FLG2: variants seen among roughly 807,000 people sequenced by gnomAD.
The protein encoded by FLG2 is filaggrin-2.
Under a neutral mutation model 3.9 loss-of-function variants are expected in FLG2, and 7 were observed. That is an observed-to-expected ratio of 1.79 (90% CI 1.02 to 3.36). The LOEUF (loss-of-function observed/expected upper bound fraction) is 3.36. Ranked by LOEUF, FLG2 falls within the 30% of genes most tolerant of loss-of-function variation. The pLI, the probability that FLG2 is intolerant of heterozygous loss-of-function variation, is 0.00. For synonymous variants in FLG2, 1,031 were observed against 1,056.1 expected (o/e 0.98, Z 0.46); for missense variants, 2,700 against 2,809.4 (o/e 0.96, Z 0.88).
At chr1:152,358,501 A>T (rs549155941) in intron 2 of FLG2, among the ~76,000 whole-genome samples, 1 of 152,274 alleles carries the variant, frequency 6.6e-6, no homozygotes, top group East Asian at 1.9e-4. Context: ...TCTAAGGAAA[A>T]GCCTGGGTGT....
chr1:152,357,750 G>A, intron 2 of FLG2, 103 bp from the exon 3 acceptor site: 2 of 804,184 alleles, frequency 2.5e-6, no homozygotes, highest in South Asian at 1.8e-5. Flanking sequence ...TTGACATGAT[G>A]TAGTTTTAGT....
At chr1:152,359,643 G>A (rs1654374553) in intron 1 of FLG2, among the ~76,000 whole-genome samples, 1 of 152,130 alleles carries the variant, frequency 6.6e-6, no homozygotes, top group Non-Finnish European at 1.5e-5. Context: ...CTGCCTCCCA[G>A]TTTGAGCTGG....
rs1654230538 is a variant in FLG2 at position 152,356,333 on chromosome 1, C to T, written c.1453G>A (p.Gly485Ser). Residue 485 changes from glycine (G) to serine (S), a missense_variant, in exon 3 of 3, where the codon GGC (glycine) becomes AGC (serine). By Grantham distance (56) the Gly-to-Ser change is moderately conservative (BLOSUM62 0). Transcript: ENST00000388718. ...KTSGFGQHGSGSGQSSGFGQC... is the reference protein window; with the variant it reads ...KTSGFGQHGSSSGQSSGFGQC... ...CCAAAGCCAGAGGACTGACCTGAGC[C>T]AGACCCATGTTGTCCAAAGCCAGAT... The T allele has an allele frequency of 6.2e-7, 1 of 1,614,024 alleles. No homozygotes were observed. Among genetic ancestry groups the T allele is most frequent in the Non-Finnish European group, 8.5e-7 (1 of 1,180,034 alleles).
At position 152,351,454 on chromosome 1, in the gene FLG2, C is replaced by G. The variant is rs1014807571; in HGVS notation, c.6332G>C (p.Ser2111Thr). ...RGSGHSESSD[S>T]EVHSGVSHTH... is the part of the protein sequence containing the mutation. ...GTGTGAGACCCCTGAGTGCACTTCA[C>G]TGTCACTGGACTCACTGTGGCCAGA... The change falls in exon 3 of 3, where the codon AGT becomes ACT. Residue 2111 changes from serine (S) to threonine (T), a missense_variant. Physicochemically the swap from Ser to Thr is moderately conservative, Grantham distance 58. Transcript: ENST00000388718. 1 of 1,613,136 alleles carries G rather than the reference C, an allele frequency of 6.2e-7. No homozygotes were observed. Among genetic ancestry groups the G allele is most frequent in the African/African-American group, 1.3e-5 (1 of 74,648 alleles).
At position 152,356,590 on chromosome 1, in the gene FLG2, C is replaced by T; in HGVS notation, c.1196G>A (p.Gly399Asp). The T allele has an allele frequency of 6.2e-7, 1 of 1,614,168 alleles. No homozygotes were observed. The highest frequency in any genetic ancestry group is 8.5e-7 in the Non-Finnish European group (1 of 1,180,040). ...AGAGTTTGAAAAGCGGCCACAGGAA[C>T]CATATTCATGTTGACCATTACTACA... ...QSCSNGQHEY[G>D]SCGRFSNSSS... The change falls in exon 3 of 3, where the codon GGT becomes GAT. Residue 399 changes from glycine (G) to aspartate (D), a missense_variant. Physicochemically the swap from Gly to Asp is moderately conservative, Grantham distance 94 (BLOSUM62 -1). Transcript: ENST00000388718.
At chr1:152,358,478 A>G (rs529115039) in intron 2 of FLG2, among the ~76,000 whole-genome samples, 1 of 152,094 alleles carries the variant, frequency 6.6e-6, no homozygotes, top group South Asian at 2.1e-4. Flanking sequence ...GTATAATTTT[A>G]TTTTCTGCTT....
At chr1:152,359,718 T>C (rs1004306738) in intron 1 of FLG2, among the ~76,000 whole-genome samples, 1 of 151,986 alleles carries the variant, frequency 6.6e-6, no homozygotes, top group Non-Finnish European at 1.5e-5. Context: ...TAGAGGAAGG[T>C]GAACTTTTAC....
In FLG2 at chr1:152,355,169, G is replaced by A. The variant is rs1232071984; in HGVS notation, c.2617C>T (p.Gln873Ter). ...TATTGACCTGAGCTTGACCTGTGTT[G>A]TCCAAAGCCAGATGTCTGTCCCGAA... ...SSSGQTSGFGQHRSSSGQYSG... is the reference protein window; with the variant it reads ...SSSGQTSGFG Residue 873 changes from glutamine (Q) to a stop codon, truncating the protein, a stop_gained, in exon 3 of 3, where the codon CAA becomes TAA. Coordinates refer to ENST00000388718, the MANE Select transcript of FLG2 (RefSeq NM_001014342.3). LOFTEE classifies it low-confidence loss of function (END_TRUNC). The A allele has an allele frequency of 6.4e-7, 1 of 1,563,060 alleles. No individual in the cohort carries two copies. Among genetic ancestry groups the A allele is most frequent in the Non-Finnish European group, 8.6e-7 (1 of 1,156,176 alleles).
rs763147409 is a variant in FLG2, at chr1:152,354,160, C to T, written c.3626G>A (p.Gly1209Asp). 1.9e-6 allele frequency: 3 copies of T among 1,614,232 alleles called. No individual in the cohort carries two copies. The highest frequency in any genetic ancestry group is 1.7e-5 in the Admixed American group (1 of 60,036). ...SGQSTGFGQY[G>D]SGSGQSTGLG... ...GCCAGTTGATTGACCTGAGCCTGAA[C>T]CATATTGGCCAAATCCAGTGGACTG... Residue 1209 changes from glycine (G) to aspartate (D), a missense_variant, in exon 3 of 3, where the codon GGT (glycine) becomes GAT (aspartate). Gly to Asp is a moderately conservative substitution (Grantham distance 94). Coordinates refer to ENST00000388718, the MANE Select transcript of FLG2 (RefSeq NM_001014342.3).
In FLG2 at chr1:152,352,675, C is replaced by G; in HGVS notation, c.5111G>C (p.Arg1704Thr). 6.2e-7 allele frequency: 1 copy of G among 1,613,668 alleles called. No homozygotes were observed. Among genetic ancestry groups the G allele is most frequent in the African/African-American group, 1.3e-5 (1 of 74,842 alleles). ...TTHGQTGDTT[R>T]HAHYHHGLTT... ...TAATCCATGATGATAGTGGGCATGT[C>G]TAGTGGTATCTCCTGTCTGTCCATG... The change falls in exon 3 of 3, where the codon AGA (arginine) becomes ACA (threonine). Residue 1704 changes from arginine to threonine, a missense_variant. By Grantham distance (71) the Arg-to-Thr change is moderately conservative. Transcript: ENST00000388718.
chr1:152,355,932 A>G lies in FLG2; in HGVS notation c.1854T>C (p.Tyr618=). 1 of 1,607,540 alleles carries G rather than the reference A, an allele frequency of 6.2e-7. No homozygotes were observed. The highest frequency in any genetic ancestry group is 8.5e-7 in the Non-Finnish European group (1 of 1,177,414). Reference sequence around the variant, plus strand: ...GACTTGAGCCAGAACTGTGTTGGCCATAACTAGACTGACCTGATCTAGACT... The same window carrying G: ...GACTTGAGCCAGAACTGTGTTGGCCGTAACTAGACTGACCTGATCTAGACT... ...QHESRSGQSS[Y]GQHSSGSSQS... is the part of the protein sequence containing the mutation. The change falls in exon 3 of 3, where the codon TAT becomes TAC. Residue 618 remains tyrosine, a synonymous_variant. Coordinates refer to ENST00000388718, the MANE Select transcript of FLG2 (RefSeq NM_001014342.3).
chr1:152,350,473 A>T lies in FLG2; in HGVS notation c.*137T>A. 1 of 1,150,882 alleles carries T rather than the reference A, an allele frequency of 8.7e-7. No individual in the cohort carries two copies. Among genetic ancestry groups the T allele is most frequent in the Non-Finnish European group, 1.2e-6 (1 of 834,412 alleles). 71.3% of individuals were successfully genotyped at this position (1,150,882 alleles called of 1,614,324 possible). On this transcript the variant is annotated 3_prime_UTR_variant, in exon 3 of 3. Coordinates refer to ENST00000388718, the MANE Select transcript of FLG2 (RefSeq NM_001014342.3). Reference sequence around the variant, plus strand: ...TCCATGACTAGATTCCTGACTTCTTATAATAATAGGTCGAGACTGATACTG... The same window carrying T: ...TCCATGACTAGATTCCTGACTTCTTTTAATAATAGGTCGAGACTGATACTG...
chr1:152,353,070 C>T lies in FLG2; in HGVS notation c.4716G>A (p.Gln1572=), dbSNP rs139512884. The change falls in exon 3 of 3, where the codon CAG becomes CAA. Residue 1572 remains glutamine, a synonymous_variant. Coordinates refer to ENST00000388718, the MANE Select transcript of FLG2 (RefSeq NM_001014342.3). ...TQTGSRTTGR[Q]RTSHSESTDS... Reference sequence around the variant, plus strand: ...CAGTGGACTCACTGTGGCTAGTTCTCTGTCTTCCAGTTGTCCTGGACCCTG... The same window carrying T: ...CAGTGGACTCACTGTGGCTAGTTCTTTGTCTTCCAGTTGTCCTGGACCCTG... 3 of 1,613,232 alleles carry T rather than the reference C, an allele frequency of 1.9e-6. No individual in the cohort carries two copies. Among genetic ancestry groups the T allele is most frequent in the African/African-American group, 2.7e-5 (2 of 74,648 alleles).
chr1:152,352,341 G>C lies in FLG2; in HGVS notation c.5445C>G (p.Phe1815Leu), dbSNP rs763346450. Residue 1815 changes from phenylalanine (F) to leucine (L), a missense_variant, in exon 3 of 3, where the codon TTC (phenylalanine) becomes TTG (leucine). Phe to Leu is a conservative substitution (Grantham distance 22). Coordinates refer to ENST00000388718, the MANE Select transcript of FLG2 (RefSeq NM_001014342.3). ...EYSDSEGHSG[F>L]SQRPHSRGHT... is the part of the protein sequence containing the mutation. ...GTCCTCGTGAGTGTGGTCTTTGTGAGAACCCTGAGTGCCCTTCACTGTCAC... is the reference window on the plus strand; with the variant it reads ...GTCCTCGTGAGTGTGGTCTTTGTGACAACCCTGAGTGCCCTTCACTGTCAC... 2.5e-6 allele frequency: 4 copies of C among 1,612,420 alleles called. No individual in the cohort carries two copies. Among genetic ancestry groups the C allele is most frequent in the Non-Finnish European group, 3.4e-6 (4 of 1,179,636 alleles).
At position 152,356,986 on chromosome 1, in the gene FLG2, C is replaced by G; in HGVS notation, c.800G>C (p.Cys267Ser). ...CCTCCCACTGTCTCCTGAACCTGAA[C>G]AGCTAGACCCAAGCTTTTGTTCTCT... ...RIREQKLGSS[C>S]SGSGDSGRRS... Residue 267 changes from cysteine (C) to serine (S), a missense_variant, in exon 3 of 3, where the codon TGT becomes TCT. Physicochemically the swap from Cys to Ser is moderately radical, Grantham distance 112. Coordinates refer to ENST00000388718, the MANE Select transcript of FLG2 (RefSeq NM_001014342.3). The G allele has an allele frequency of 6.2e-7, 1 of 1,614,200 alleles. No homozygotes were observed.
In FLG2 at chr1:152,353,152, C is replaced by G; in HGVS notation, c.4634G>C (p.Gly1545Ala). 1.9e-6 allele frequency: 3 copies of G among 1,613,804 alleles called. No homozygotes were observed. Among genetic ancestry groups the G allele is most frequent in the Non-Finnish European group, 2.5e-6 (3 of 1,179,972 alleles). The change falls in exon 3 of 3, where the codon GGA (glycine) becomes GCA (alanine). Residue 1545 changes from glycine to alanine, a missense_variant. Transcript: ENST00000388718. ...ATGTCTAGTGGTATCTCCTGTCTGT[C>G]CATGAGTAATTCTGTGTCTGTCATG... is the stretch of plus-strand genomic sequence containing the variant. ...IIHDRHRITHGQTGDTTRHSY... is the reference protein window; with the variant it reads ...IIHDRHRITHAQTGDTTRHSY...
At position 152,354,566 on chromosome 1, in the gene FLG2, A is replaced by G. The variant is rs1201683311; in HGVS notation, c.3220T>C (p.Ser1074Pro). The change falls in exon 3 of 3, where the codon TCT becomes CCT. Residue 1074 changes from serine to proline, a missense_variant. Physicochemically the swap from Ser to Pro is moderately conservative, Grantham distance 74. Transcript: ENST00000388718. ...FGQYESRSRQ[S>P]SYGQHGSGSS... is the part of the protein sequence containing the mutation. ...CCAGAACCATGTTGGCCATAGCTAG[A>G]CTGACGTGATCTAGACTCATATTGT... 3.7e-6 allele frequency: 6 copies of G among 1,613,784 alleles called. No individual in the cohort carries two copies. Among genetic ancestry groups the G allele is most frequent in the Non-Finnish European group, 5.1e-6 (6 of 1,180,000 alleles).
At position 152,357,094 on chromosome 1, in the gene FLG2, CTGTT is replaced by C. The variant is rs1198896754; in HGVS notation, c.688_691del (p.Asn230ValfsTer206). 6.2e-7 allele frequency: 1 copy of C among 1,614,210 alleles called. No individual in the cohort carries two copies. Among genetic ancestry groups the C allele is most frequent in the Non-Finnish European group, 8.5e-7 (1 of 1,180,036 alleles). ...ACCACCATGACCTTTCCTTTCCCAA[CTGTT>C]TGATCCAGATCCAGATTCATACTCC... On this transcript the variant is annotated frameshift_variant, in exon 3 of 3. Transcript: ENST00000388718. LOFTEE classifies it low-confidence loss of function (END_TRUNC).
rs377623201 is a variant in FLG2 at position 152,350,964 on chromosome 1, G to A, written c.6822C>T (p.His2274=). The A allele has an allele frequency of 6.3e-4, 1,015 of 1,613,820 alleles. No homozygotes were observed. The highest frequency in any genetic ancestry group is 8.4e-4 in the Non-Finnish European group (986 of 1,179,976). Residue 2274 remains histidine (H), a synonymous_variant, in exon 3 of 3, where the codon CAC becomes CAT. Transcript: ENST00000388718. Reference sequence around the variant, plus strand: ...GTTGAGATCCAGCTTGGCCCTGAATGTGTCCTGAATGTGTGTGTGAGCCCC... The same window carrying A: ...GTTGAGATCCAGCTTGGCCCTGAATATGTCCTGAATGTGTGTGTGAGCCCC... ...HSWGSHTHSG[H]IQGQAGSQQR...
Sources: allele counts gnomAD v4.1 joint callset (sites outside exome capture counted in the v4.1 genomes callset), GRCh38; gene constraint gnomAD v4.1.1; transcripts MANE v1.5; gene names NCBI Gene and HGNC (gene_info 2026-07-23, HGNC 2026-07-21).